The following PACRG variants were observed in gnomAD, a reference collection of about 807,000 sequenced individuals.
The protein encoded by PACRG is parkin coregulated gene protein.
Under a neutral mutation model 29.7 loss-of-function variants are expected in PACRG, and 29 were observed. The ratio of observed to expected loss-of-function variants is 0.98; its 90% CI spans 0.73 to 1.33. The LOEUF is 1.33. PACRG is among the 40% of genes most tolerant of loss of function. The pLI, the probability that PACRG is intolerant of heterozygous loss-of-function variation, is 0.00. For synonymous variants in PACRG, 116 were observed against 118.7 expected, an observed-to-expected ratio of 0.98 and a Z score of 0.15; for missense variants, 279 against 316.2, an observed-to-expected ratio of 0.88 and a Z score of 0.89.
At chr6:163,213,238 G>A (rs1336539451) in intron 4 of PACRG, among the ~76,000 whole-genome samples, 1 of 151,720 alleles carries the variant, frequency 6.6e-6, no homozygotes, top group South Asian at 2.1e-4. Context: ...CCAATTGAGG[G>A]ATGTTCAATT....
At chr6:162,917,049 T>C (rs1584751039) in intron 2 of PACRG, among the ~76,000 whole-genome samples, 1 of 152,162 alleles carries the variant, frequency 6.6e-6, no homozygotes, top group South Asian at 2.1e-4. Flanking sequence ...TATGTTAATT[T>C]TGGAGTCTGG....
At chr6:163,007,461 A>G (rs1398198187) in intron 2 of PACRG, among the ~76,000 whole-genome samples, 1 of 152,160 alleles carries the variant, frequency 6.6e-6, no homozygotes, top group Non-Finnish European at 1.5e-5. Context: ...TTGGCTGGTT[A>G]TAAATTCCTT....
chr6:163,114,501 A>G (rs572057775), intron 4 of PACRG, among the ~76,000 whole-genome samples: 2 of 152,290 alleles, frequency 1.3e-5, no homozygotes, highest in African/African-American at 4.8e-5. Context: ...TAACATCCAT[A>G]TATATATGCA....
At chr6:163,174,587 A>G (rs929181361) in intron 4 of PACRG, among the ~76,000 whole-genome samples, 5 of 152,212 alleles carry the variant, frequency 3.3e-5, no homozygotes, top group African/African-American at 1.2e-4. Flanking sequence ...ATTGCTAACT[A>G]GTAAGTAAGG....
intron 4 of PACRG, among the ~76,000 whole-genome samples, chr6:163,279,724 A>G (rs1386584376): frequency 1.3e-5 from 2 of 152,022 alleles, no homozygotes; most frequent in Non-Finnish European, 2.9e-5. Context: ...AATAATTTTC[A>G]CTACTCTTTC....
chr6:163,304,742 G>T (rs1479343838), intron 4 of PACRG, among the ~76,000 whole-genome samples: 1 of 152,190 alleles, frequency 6.6e-6, no homozygotes, highest in Non-Finnish European at 1.5e-5. Flanking sequence ...ATGCAGTGGG[G>T]TCAGTAGGAA....
At chr6:163,027,632 AC>A (rs1231586700) in intron 2 of PACRG, among the ~76,000 whole-genome samples, 1 of 152,062 alleles carries the variant, frequency 6.6e-6, no homozygotes, top group Admixed American at 6.5e-5. Flanking sequence ...TAATAACCCA[AC>A]CCCACAGATA....
chr6:163,275,933 G>T (rs944861288), intron 4 of PACRG, among the ~76,000 whole-genome samples: 5 of 152,118 alleles, frequency 3.3e-5, no homozygotes, highest in African/African-American at 1.2e-4. Context: ...CGGCTGAGCA[G>T]CTGAGGACTC....
chr6:162,946,675 T>G (rs557646728), intron 2 of PACRG, among the ~76,000 whole-genome samples: 46 of 151,926 alleles, frequency 3.0e-4, no homozygotes, highest in Non-Finnish European at 5.2e-4. Context: ...CAGTCAAAGA[T>G]GGAACAAAAA....
intron 4 of PACRG, among the ~76,000 whole-genome samples, chr6:163,226,044 C>T (rs1781781728): frequency 6.6e-6 from 1 of 152,074 alleles, no homozygotes; most frequent in African/African-American, 2.4e-5. Context: ...AGAAGGAAAT[C>T]CTCTCATTTT....
chr6:162,771,348 A>G (rs1783203133), intron 1 of PACRG, among the ~76,000 whole-genome samples: 1 of 152,302 alleles, frequency 6.6e-6, no homozygotes, highest in East Asian at 1.9e-4. Flanking sequence ...ATAAACACCC[A>G]CATCAGTGGT....
chr6:162,828,470 G>C (rs1190978462), intron 2 of PACRG, among the ~76,000 whole-genome samples: 1 of 152,182 alleles, frequency 6.6e-6, no homozygotes, highest in Non-Finnish European at 1.5e-5. Flanking sequence ...AGTACTTACT[G>C]GGTGTCAGAC....
At chr6:163,167,195 C>G (rs979853313) in intron 4 of PACRG, among the ~76,000 whole-genome samples, 2 of 152,168 alleles carry the variant, frequency 1.3e-5, no homozygotes, top group African/African-American at 2.4e-5. Flanking sequence ...ACCTACCAGA[C>G]AGAAGAAACC....
chr6:162,793,022 C>T (rs1785084779), intron 1 of PACRG, among the ~76,000 whole-genome samples: 1 of 152,092 alleles, frequency 6.6e-6, no homozygotes, highest in African/African-American at 2.4e-5. Context: ...GACCTTGAGT[C>T]CTGCAATAGA....
intron 1 of PACRG, among the ~76,000 whole-genome samples, chr6:162,807,874 T>C (rs530952761): frequency 2.0e-5 from 3 of 152,300 alleles, no homozygotes; most frequent in African/African-American, 7.2e-5. Context: ...AAAATGAATG[T>C]CTCTACGTAT....
chr6:163,266,653 C>A (rs2128177497), intron 4 of PACRG, among the ~76,000 whole-genome samples: 1 of 152,270 alleles, frequency 6.6e-6, no homozygotes, highest in Admixed American at 6.5e-5. Context: ...AGACAAAATT[C>A]TGTGACTTTT....
chr6:163,198,130 A>G (rs1780551825), intron 4 of PACRG, among the ~76,000 whole-genome samples: 1 of 152,220 alleles, frequency 6.6e-6, no homozygotes, highest in Non-Finnish European at 1.5e-5. Context: ...TCCTTTTTCA[A>G]GTAGGCATTT....
At chr6:162,824,465 C>T (rs1026789207) in intron 2 of PACRG, among the ~76,000 whole-genome samples, 2 of 152,108 alleles carry the variant, frequency 1.3e-5, no homozygotes, top group Non-Finnish European at 2.9e-5. Flanking sequence ...TGTAGAAATT[C>T]CTTTTATTTT....
At chr6:163,113,636 A>T (rs1427047941) in intron 4 of PACRG, among the ~76,000 whole-genome samples, 1 of 152,208 alleles carries the variant, frequency 6.6e-6, no homozygotes, top group African/African-American at 2.4e-5. Context: ...AAAATTGTCA[A>T]CCAAGAACCC....
Sources: allele counts gnomAD v4.1 joint callset (sites outside exome capture counted in the v4.1 genomes callset), GRCh38; gene constraint gnomAD v4.1.1; transcripts MANE v1.5; gene names NCBI Gene and HGNC (gene_info 2026-07-23, HGNC 2026-07-21).